SEC23A: variants seen among roughly 807,000 people sequenced by gnomAD.
SEC23A encodes protein transport protein Sec23A.
A neutral mutation model predicts 103.7 loss-of-function variants in SEC23A; 56 were observed. The ratio of observed to expected loss-of-function variants is 0.54; its 90% CI spans 0.44 to 0.67. The LOEUF is 0.67. Among genes scored for constraint, SEC23A ranks in the 30% least tolerant of loss-of-function variants. SEC23A has a pLI of 0.00. For missense variants in SEC23A, 784 were observed against 936.4 expected (o/e 0.84, Z 2.12); for synonymous variants, 281 against 293.0 (o/e 0.96, Z 0.42).
rs546243239 is a variant in SEC23A at position 39,061,449 on chromosome 14, T to C, written c.1505+316A>G. Among the ~76,000 whole-genome samples, 4 of 152,122 alleles carry C rather than the reference T, an allele frequency of 2.6e-5. No individual in the cohort carries two copies. The South Asian group carries it at 8.3e-4, about 32-fold the overall frequency. ...ATTAATTACTGTGCTATATCATTTATATATATAATGGATTATATATATTAT... is the reference window on the plus strand; with the variant it reads ...ATTAATTACTGTGCTATATCATTTACATATATAATGGATTATATATATTAT... On this transcript the variant is annotated intron_variant, in intron 13 of 19. Transcript: ENST00000307712.
intron 13 of SEC23A, among the ~76,000 whole-genome samples, chr14:39,060,799 T>G (rs1050336593): frequency 4.6e-5 from 7 of 152,236 alleles, no homozygotes; most frequent in Non-Finnish European, 1.5e-5. Flanking sequence ...ATGCCTTATT[T>G]GGAAAATCTA....
intron 7 of SEC23A, among the ~76,000 whole-genome samples, chr14:39,079,649 T>G (rs1887152867): frequency 6.6e-6 from 1 of 151,984 alleles, no homozygotes; most frequent in South Asian, 2.1e-4. Flanking sequence ...GGTGAAACCC[T>G]GTCTCTACTA....
intron 16 of SEC23A, among the ~76,000 whole-genome samples, chr14:39,043,947 C>T (rs893986744): frequency 5.3e-5 from 8 of 152,042 alleles, no homozygotes; most frequent in Non-Finnish European, 1.0e-4. Context: ...CAACAAATAA[C>T]TTTTTTGAGT....
At chr14:39,077,929 T>C (rs527644166) in intron 7 of SEC23A, among the ~76,000 whole-genome samples, 86 of 151,990 alleles carry the variant, frequency 5.7e-4, no homozygotes, top group Non-Finnish European at 1.0e-3. Flanking sequence ...TGAGACACTG[T>C]CTAAAATAAA....
chr14:39,084,497 TC>T (rs1370952219), intron 7 of SEC23A, among the ~76,000 whole-genome samples: 2 of 152,280 alleles, frequency 1.3e-5, no homozygotes, highest in East Asian at 1.9e-4. Flanking sequence ...GGAAAACACT[TC>T]ACGTAGATAA....
chr14:39,102,451 A>G (rs1280249910), intron 1 of SEC23A, among the ~76,000 whole-genome samples: 1 of 152,224 alleles, frequency 6.6e-6, no homozygotes, highest in East Asian at 1.9e-4. Context: ...TAGATTTACT[A>G]TGACCTTCCT....
In SEC23A at chr14:39,045,343, A is replaced by C; in HGVS notation, c.1738-19T>G. 1 of 1,582,236 alleles carries C rather than the reference A, an allele frequency of 6.3e-7. No homozygotes were observed. The highest frequency in any genetic ancestry group is 1.7e-5 in the Admixed American group (1 of 59,670). On this transcript the variant is annotated intron_variant, in intron 15 of 19. Coordinates refer to ENST00000307712, the MANE Select transcript of SEC23A (RefSeq NM_006364.4). ...ACATAAACTGTAAGATAAACACGTAAGATAGTTGTTACTGATTTTAATATT... is the reference window on the plus strand; with the variant it reads ...ACATAAACTGTAAGATAAACACGTACGATAGTTGTTACTGATTTTAATATT...
At chr14:39,084,023 T>G (rs1462591858) in intron 7 of SEC23A, among the ~76,000 whole-genome samples, 1 of 152,104 alleles carries the variant, frequency 6.6e-6, no homozygotes, top group African/African-American at 2.4e-5. Context: ...AAAACTATTT[T>G]GTTTTGTTTT....
At chr14:39,048,486 C>T (rs566767862) in intron 15 of SEC23A, among the ~76,000 whole-genome samples, 166 bp downstream of exon 15, 3 of 151,998 alleles carry the variant, frequency 2.0e-5, no homozygotes, top group Non-Finnish European at 4.4e-5. Flanking sequence ...TGGTGGCACA[C>T]TCCTGTAGTC....
chr14:39,046,258 TG>T (rs1274558657), intron 15 of SEC23A, among the ~76,000 whole-genome samples: 1 of 152,020 alleles, frequency 6.6e-6, no homozygotes, highest in Non-Finnish European at 1.5e-5. Flanking sequence ...CACCTGAGGT[TG>T]GGAGTTCAAG....
intron 5 of SEC23A, 83 bp downstream of exon 5, chr14:39,091,394 G>T: frequency 2.1e-6 from 2 of 956,486 alleles, no homozygotes; most frequent in South Asian, 2.7e-5. Context: ...ATAAAAATTT[G>T]TCCTAGAAAC....
intron 13 of SEC23A, among the ~76,000 whole-genome samples, chr14:39,061,496 A>C (rs1886476916): frequency 6.6e-6 from 1 of 152,132 alleles, no homozygotes; most frequent in Non-Finnish European, 1.5e-5. Context: ...ATAGGTAAAT[A>C]TCTGATTTTT....
intron 7 of SEC23A, among the ~76,000 whole-genome samples, chr14:39,076,634 CA>C (rs373101725): frequency 0.017 from 2,541 of 148,502 alleles, 71 homozygotes; most frequent in African/African-American, 0.059. Flanking sequence ...CATAGAACAA[CA>C]AAAAAAAAGG....
chr14:39,039,312 C>T, intron 18 of SEC23A: 1 of 516,116 alleles, frequency 1.9e-6, no homozygotes, highest in Non-Finnish European at 3.4e-6. Flanking sequence ...ATCATACATC[C>T]AAAATAACAA....
At chr14:39,053,515 G>GT (rs1268322979) in intron 14 of SEC23A, among the ~76,000 whole-genome samples, 2,365 of 143,202 alleles carry the variant, frequency 0.017, 68 homozygotes, top group African/African-American at 0.051. Context: ...AATCTTTCTT[G>GT]TTTTTTTTTT....
At position 39,072,510 on chromosome 14, in the gene SEC23A, T is replaced by C. The variant is rs115747539; in HGVS notation, c.1103+1905A>G. Among the ~76,000 whole-genome samples the C allele has an allele frequency of 9.1e-3, 1,383 of 151,944 alleles. 25 individuals carry two copies. Among genetic ancestry groups the C allele is most frequent in the African/African-American group, 0.031 (1,286 of 41,416 alleles). On this transcript the variant is annotated intron_variant, in intron 9 of 19. Coordinates refer to ENST00000307712, the MANE Select transcript of SEC23A (RefSeq NM_006364.4). The stretch of plus-strand genomic sequence containing the variant: ...TACTTCACACCCACTAGGACAGATA[T>C]CATCAAAAAGACAGACAATAAGCTG...
intron 16 of SEC23A, 41 bp from the exon 17 acceptor site, chr14:39,042,913 A>G: frequency 1.7e-6 from 2 of 1,199,682 alleles, no homozygotes; most frequent in Non-Finnish European, 2.5e-6. Context: ...AAAAAGGAAA[A>G]ATAATCTACT....
intron 7 of SEC23A, among the ~76,000 whole-genome samples, chr14:39,077,412 G>A (rs1042309929): frequency 3.3e-5 from 5 of 151,386 alleles, no homozygotes; most frequent in East Asian, 3.9e-4. Flanking sequence ...GCATGGTGGC[G>A]GGCGCCTGTA....
chr14:39,068,585 GA>G (rs934251539), intron 9 of SEC23A, among the ~76,000 whole-genome samples: 2 of 151,954 alleles, frequency 1.3e-5, no homozygotes, highest in African/African-American at 4.8e-5. Flanking sequence ...GAGACTAGTT[GA>G]AAAAATATTA....
Sources: allele counts gnomAD v4.1 joint callset (sites outside exome capture counted in the v4.1 genomes callset), GRCh38; gene constraint gnomAD v4.1.1; transcripts MANE v1.5; gene names NCBI Gene and HGNC (gene_info 2026-07-23, HGNC 2026-07-21).